The following KCNQ1 variants were observed in gnomAD, a reference collection of about 807,000 sequenced individuals.
KCNQ1 encodes potassium voltage-gated channel subfamily Q member 1.
In KCNQ1, 49 loss-of-function variants were observed where a neutral mutation model predicts 72.4. The observed-to-expected ratio is 0.68, with a 90% confidence interval of 0.54 to 0.86. The LOEUF (loss-of-function observed/expected upper bound fraction) is 0.86, where lower values mean the gene tolerates loss of function less well. Among genes scored for constraint, KCNQ1 ranks in the 40% least tolerant of loss-of-function variants. The pLI, the probability that KCNQ1 is intolerant of heterozygous loss-of-function variation, is 0.00. For missense variants in KCNQ1, 790 were observed against 945.1 expected (o/e 0.84, Z 2.15); for synonymous variants, 450 against 412.6 (o/e 1.09, Z -1.10).
At chr11:2,644,909 C>T (rs1173393720) in intron 10 of KCNQ1, 1 of 398,720 alleles carries the variant, frequency 2.5e-6, no homozygotes, top group African/African-American at 2.1e-5. Context: ...GGGACACCAG[C>T]TGGGCCAGTC....
At position 2,471,648 on chromosome 11, in the gene KCNQ1, A is replaced by G. The variant is rs1846460466; in HGVS notation, c.386+26164A>G. On this transcript the variant is annotated intron_variant, in intron 1 of 15. Transcript: ENST00000155840. The surrounding 1 kb of genome is among the most constrained non-coding windows in gnomAD (Gnocchi z 4.8). ...CACGTATGCACGGATGTGTGTACAC[A>G]TGTGTATGGGTGTGTGCATGGGTGT... 6.7e-6 allele frequency among the ~76,000 whole-genome samples: 1 copy of G among 150,148 alleles called. No individual in the cohort carries two copies. Among genetic ancestry groups the G allele is most frequent in the Non-Finnish European group, 1.5e-5 (1 of 67,708 alleles).
chr11:2,582,791 A>T (rs1293074499), intron 6 of KCNQ1, among the ~76,000 whole-genome samples: 1 of 152,006 alleles, frequency 6.6e-6, no homozygotes, highest in Non-Finnish European at 1.5e-5. Context: ...CGTCCTGCAG[A>T]ATGACATTTC....
chr11:2,570,188 T>C (rs991768423), intron 2 of KCNQ1, among the ~76,000 whole-genome samples: 1 of 140,810 alleles, frequency 7.1e-6, no homozygotes, highest in Non-Finnish European at 1.5e-5. Context: ...TGGGGCCCCC[T>C]CTGACCCAAG....
Position 2,516,686 on chromosome 11 carries a change from G to A in KCNQ1, c.387-11242G>A, listed in dbSNP as rs186923650. On this transcript the variant is annotated intron_variant, in intron 1 of 15. Transcript: ENST00000155840. The surrounding 1 kb of genome is among the most constrained non-coding windows in gnomAD (Gnocchi z 7.0). Reference sequence around the variant, plus strand: ...CTCTTTGCCGGGATCCTCATGCTACGGCCACCACCTGATTTTGTCGATAAA... The same window carrying A: ...CTCTTTGCCGGGATCCTCATGCTACAGCCACCACCTGATTTTGTCGATAAA... Among the ~76,000 whole-genome samples the A allele has an allele frequency of 3.9e-5, 6 of 152,164 alleles. No homozygotes were observed. The highest frequency in any genetic ancestry group is 9.6e-5 in the African/African-American group (4 of 41,496).
At chr11:2,577,050 G>A (rs1259525405) in intron 6 of KCNQ1, among the ~76,000 whole-genome samples, 1 of 152,252 alleles carries the variant, frequency 6.6e-6, no homozygotes, top group African/African-American at 2.4e-5. Flanking sequence ...CCCGCTGCAA[G>A]GGCTGCTGAG....
At chr11:2,806,632 G>T (rs1847379302) in intron 15 of KCNQ1, among the ~76,000 whole-genome samples, 1 of 152,194 alleles carries the variant, frequency 6.6e-6, no homozygotes, top group African/African-American at 2.4e-5. Flanking sequence ...TCTCTAACCT[G>T]CTCAGCCCCC....
intron 10 of KCNQ1, chr11:2,641,899 C>T (rs1849585098): frequency 2.5e-6 from 1 of 398,424 alleles, no homozygotes; most frequent in Non-Finnish European, 4.4e-6. Flanking sequence ...GCTCTTTTCC[C>T]AGTGTATGTT....
At chr11:2,487,836 C>T (rs1413362578) in intron 1 of KCNQ1, among the ~76,000 whole-genome samples, 2 of 151,512 alleles carry the variant, frequency 1.3e-5, no homozygotes, top group African/African-American at 2.4e-5. Flanking sequence ...CTTTTTTTTC[C>T]ATTCTGGATG....
At position 2,687,209 on chromosome 11, in the gene KCNQ1, G is replaced by A. The variant is rs960607316; in HGVS notation, c.1514+25128G>A. 7.5e-6 allele frequency: 3 copies of A among 398,554 alleles called. No individual in the cohort carries two copies. Among genetic ancestry groups the A allele is most frequent in the Middle Eastern group, 6.2e-4 (1 of 1,610 alleles). 24.7% of individuals were successfully genotyped at this position (398,554 alleles called of 1,614,324 possible). A position where few individuals can be genotyped will look rare whatever the true frequency, so the allele number is the denominator to read the frequency against. On this transcript the variant is annotated intron_variant, in intron 11 of 15. Transcript: ENST00000155840. This position sits in a 1 kb window ranked among gnomAD's most constrained non-coding sequence, Gnocchi z 5.0. ...CAGGCTGGATAGGGAGCATCACACTGTTGGGAAATGTGCAATTTTCACTCA... is the reference window on the plus strand; with the variant it reads ...CAGGCTGGATAGGGAGCATCACACTATTGGGAAATGTGCAATTTTCACTCA...
rs1849381549 is a variant in KCNQ1 at position 2,632,748 on chromosome 11, G to A, written c.1394-29213G>A. 2.5e-6 allele frequency: 1 copy of A among 398,366 alleles called. No homozygotes were observed. The highest frequency in any genetic ancestry group is 4.4e-6 in the Non-Finnish European group (1 of 225,966). 24.7% of individuals were successfully genotyped at this position (398,366 alleles called of 1,614,324 possible). ...TTCATCCATGTTGCTGTGAATGACA[G>A]GACTTAATGCTTTATTATGACTGAA... On this transcript the variant is annotated intron_variant, in intron 10 of 15. Coordinates refer to ENST00000155840, the MANE Select transcript of KCNQ1 (RefSeq NM_000218.3).
rs377726462 is a variant in KCNQ1, at chr11:2,666,167, C to T, written c.1514+4086C>T. Reference sequence around the variant, plus strand: ...CATCTTAGATGGGCAAGCCCCAGCTCGAGGTTAACAGATACCGCCCTCAGT... The same window carrying T: ...CATCTTAGATGGGCAAGCCCCAGCTTGAGGTTAACAGATACCGCCCTCAGT... On this transcript the variant is annotated intron_variant, in intron 11 of 15. Coordinates refer to ENST00000155840, the MANE Select transcript of KCNQ1 (RefSeq NM_000218.3). 235 of 398,632 alleles carry T rather than the reference C, an allele frequency of 5.9e-4. 2 individuals are homozygous for T. The South Asian group carries it at 0.018, about 30-fold the overall frequency. The allele number at this position is 398,632 out of a possible 1,614,324, so 24.7% of individuals were successfully genotyped here. A position where few individuals can be genotyped will look rare whatever the true frequency, so the allele number is the denominator to read the frequency against.
At chr11:2,770,163 C>A (rs1288548312) in intron 12 of KCNQ1, among the ~76,000 whole-genome samples, 1 of 152,166 alleles carries the variant, frequency 6.6e-6, no homozygotes. Flanking sequence ...CCACTCCAGG[C>A]CCCAGGATTG....
rs1473362486 is a variant in KCNQ1 at position 2,473,494 on chromosome 11, C to T, written c.386+28010C>T. ...AGGAAAGGGTCTGTGCTGGGAAATCCAAGGGGCAAGGCCGTTTCCCGTCCT... is the reference window on the plus strand; with the variant it reads ...AGGAAAGGGTCTGTGCTGGGAAATCTAAGGGGCAAGGCCGTTTCCCGTCCT... On this transcript the variant is annotated intron_variant, in intron 1 of 15. Coordinates refer to ENST00000155840, the MANE Select transcript of KCNQ1 (RefSeq NM_000218.3). The surrounding 1 kb of genome is among the most constrained non-coding windows in gnomAD (Gnocchi z 6.0). Among the ~76,000 whole-genome samples the T allele has an allele frequency of 2.4e-4, 36 of 152,126 alleles. 2 individuals carry two copies. The highest frequency in any genetic ancestry group is 2.4e-3 in the Admixed American group (36 of 15,270).
chr11:2,848,478 GGCC>G lies in KCNQ1; in HGVS notation c.*480_*482del. On this transcript the variant is annotated 3_prime_UTR_variant, in exon 16 of 16. Transcript: ENST00000155840. ...CAGGACCAGCCCACGCTGACTACAG[GGCC>G]GCCGGCAATAAAAGCCCAGGAGCCC... 2.2e-6 allele frequency: 1 copy of G among 458,532 alleles called. No homozygotes were observed. The highest frequency in any genetic ancestry group is 4.4e-6 in the Non-Finnish European group (1 of 229,860). The allele number at this position is 458,532 out of a possible 1,614,324, so 28.4% of individuals were successfully genotyped here.
intron 1 of KCNQ1, among the ~76,000 whole-genome samples, chr11:2,469,515 C>T (rs947627504): frequency 2.0e-5 from 3 of 152,116 alleles, no homozygotes; most frequent in Non-Finnish European, 4.4e-5. Context: ...TCGTGATCCA[C>T]CTGCCTCGGC....
intron 15 of KCNQ1, among the ~76,000 whole-genome samples, chr11:2,797,603 G>T (rs1332833373): frequency 6.6e-6 from 1 of 152,012 alleles, no homozygotes; most frequent in Admixed American, 6.5e-5. Flanking sequence ...GCATCTGACC[G>T]CCTTCTTGTA....
chr11:2,633,288 T>A (rs7951664), intron 10 of KCNQ1: 356,523 of 398,422 alleles, frequency 0.89, 159,769 homozygotes, highest in East Asian at 0.99. Context: ...CGGATATTAA[T>A]CCCTTGTCAG....
chr11:2,683,001 G>C lies in KCNQ1; in HGVS notation c.1514+20920G>C. 2.5e-6 allele frequency: 1 copy of C among 398,664 alleles called. No individual in the cohort carries two copies. Among genetic ancestry groups the C allele is most frequent in the Non-Finnish European group, 4.4e-6 (1 of 226,102 alleles). The allele number at this position is 398,664 out of a possible 1,614,324, so 24.7% of individuals were successfully genotyped here. The stretch of plus-strand genomic sequence containing the variant: ...CATTCAGACATCTCCCTTGTGCTGT[G>C]CAGCCTTAGTTCTGCCTCCTGAGAG... On this transcript the variant is annotated intron_variant, in intron 11 of 15. Coordinates refer to ENST00000155840, the MANE Select transcript of KCNQ1 (RefSeq NM_000218.3). This position sits in a 1 kb window ranked among gnomAD's most constrained non-coding sequence, Gnocchi z 4.7.
intron 1 of KCNQ1, among the ~76,000 whole-genome samples, chr11:2,456,956 A>AAAAAAAAAAAAAAAAAAAAC (rs1846203354): frequency 9.4e-6 from 1 of 106,280 alleles, no homozygotes; most frequent in African/African-American, 4.9e-5. Context: ...AAAAAAAAAA[A>AAAAAAAAAAAAAAAAAAAAC]AAAAAAAAAC....
Sources: allele counts gnomAD v4.1 joint callset (sites outside exome capture counted in the v4.1 genomes callset), GRCh38; gene constraint gnomAD v4.1.1; non-coding constraint Gnocchi (gnomAD v3.1); transcripts MANE v1.5; gene names NCBI Gene and HGNC (gene_info 2026-07-23, HGNC 2026-07-21).